Variants in AGRN observed in about 807,000 individuals in gnomAD.
AGRN encodes agrin proteoglycan.
AGRN carries 106 observed loss-of-function variants against 211.0 expected under a neutral mutation model. That is an observed-to-expected ratio of 0.50 (90% CI 0.43 to 0.59). The LOEUF is 0.59. Among genes scored for constraint, AGRN ranks in the 20% least tolerant of loss-of-function variants. The probability of loss-of-function intolerance (pLI) is 0.00; values close to 1 mark genes in which losing one functional copy is unlikely to be tolerated. For synonymous variants in AGRN, 1,525 were observed against 1,332.5 expected, an observed-to-expected ratio of 1.14 and a Z score of -3.15; for missense variants, 3,040 against 2,982.6, an observed-to-expected ratio of 1.02 and a Z score of -0.45.
rs753234493 is a variant in AGRN, at chr1:1,042,078, C to T, written c.1300C>T (p.Arg434Cys). The change falls in exon 7 of 36, where the codon CGC (arginine) becomes TGC (cysteine). Residue 434 changes from arginine (R) to cysteine (C), a missense_variant. Coordinates refer to ENST00000379370, the MANE Select transcript of AGRN (RefSeq NM_198576.4). ...AYRPVCAQDG[R>C]TYDSDCWRQQ... is the part of the protein sequence containing the mutation. ...CAGGCCCGTGTGTGCCCAGGACGGGCGCACGTATGACAGTGATTGCTGGCG... is the reference window on the plus strand; with the variant it reads ...CAGGCCCGTGTGTGCCCAGGACGGGTGCACGTATGACAGTGATTGCTGGCG... 5.6e-6 allele frequency: 9 copies of T among 1,606,088 alleles called. No homozygotes were observed. Among genetic ancestry groups the T allele is most frequent in the South Asian group, 3.3e-5 (3 of 91,038 alleles).
In AGRN at chr1:1,049,435, G is replaced by A. The variant is rs200870228; in HGVS notation, c.4498G>A (p.Glu1500Lys). Residue 1500 changes from glutamate to lysine, a missense_variant, in exon 25 of 36, where the codon GAG becomes AAG. Glu to Lys is a moderately conservative substitution (Grantham distance 56). Around this residue, in one of 3 missense-constraint regions of AGRN, gnomAD observed 1,537 missense variants for 1,505.0 expected, o/e 1.02. Transcript: ENST00000379370. ...DTDLFVGGVP[E>K]DQAAVALERT... ...AGACCTCTTTGTGGGCGGCGTACCC[G>A]AGGACCAGGCTGCCGTGTGAGTCCC... The A allele has an allele frequency of 3.3e-5, 53 of 1,599,384 alleles. No individual in the cohort carries two copies. The highest frequency in any genetic ancestry group is 1.1e-4 in the South Asian group (10 of 91,060).
In AGRN at chr1:1,047,831, G is replaced by A; in HGVS notation, c.3687G>A (p.Val1229=). Residue 1229 remains valine, a synonymous_variant, in exon 22 of 36, where the codon GTG becomes GTA. Transcript: ENST00000379370. The part of the protein sequence containing the change: ...VARALLRQIQ[V]SRRRSLGVRR... ...GGGCCCTGCTCCGGCAGATCCAGGT[G>A]TCCAGGCGCCGGTCCTTGGGGGTGA... 6.2e-7 allele frequency: 1 copy of A among 1,604,534 alleles called. No homozygotes were observed. The highest frequency in any genetic ancestry group is 8.5e-7 in the Non-Finnish European group (1 of 1,176,234).
In AGRN at chr1:1,051,664, A is replaced by G. The variant is rs777445181; in HGVS notation, c.5563+19A>G. The G allele has an allele frequency of 6.2e-7, 1 of 1,612,746 alleles. No individual in the cohort carries two copies. Among genetic ancestry groups the G allele is most frequent in the Non-Finnish European group, 8.5e-7 (1 of 1,179,844 alleles). On this transcript the variant is annotated intron_variant, in intron 32 of 35. Transcript: ENST00000379370. ...GAGAAGGGTGAGCCTGGCACAGGGC[A>G]GGGGGCGGAGGCCGGATGGGCCCGG...
intron 1 of AGRN, among the ~76,000 whole-genome samples, chr1:1,021,480 C>A (rs140810554): frequency 6.6e-6 from 1 of 152,258 alleles, no homozygotes; most frequent in African/African-American, 2.4e-5. Flanking sequence ...GTCTCTCCCC[C>A]CATCCGGCAG....
chr1:1,039,509 T>C (rs1354540214), intron 3 of AGRN, among the ~76,000 whole-genome samples: 1 of 151,640 alleles, frequency 6.6e-6, no homozygotes, highest in Non-Finnish European at 1.5e-5. Flanking sequence ...TTGGACCCAA[T>C]TAAACATTTA....
rs1282216927 is a variant in AGRN, at chr1:1,045,799, G to A, written c.2603G>A (p.Cys868Tyr). The A allele has an allele frequency of 4.3e-6, 7 of 1,613,170 alleles. No homozygotes were observed. The South Asian group carries it at 4.4e-5, about 10-fold the overall frequency. Residue 868 changes from cysteine to tyrosine, a missense_variant, in exon 15 of 36, where the codon TGT (cysteine) becomes TAT (tyrosine). By Grantham distance (194) the Cys-to-Tyr change is radical (BLOSUM62 -2). Around this residue, in one of 3 missense-constraint regions of AGRN, gnomAD observed 1,498 missense variants for 1,457.8 expected, o/e 1.03. Coordinates refer to ENST00000379370, the MANE Select transcript of AGRN (RefSeq NM_198576.4). ...GAGCAGATGACGGGGCTGTGCTCGT[G>A]TAAGCCCGGGGTGGCTGGACCCAAG... ...DCEQMTGLCS[C>Y]KPGVAGPKCG...
At chr1:1,030,986 G>T (rs1243199127) in intron 2 of AGRN, among the ~76,000 whole-genome samples, 1 of 133,318 alleles carries the variant, frequency 7.5e-6, no homozygotes, top group Non-Finnish European at 1.6e-5. Flanking sequence ...TGTGTGCAGT[G>T]CATGGTGCTG....
intron 35 of AGRN, 74 bp from the exon 36 acceptor site, chr1:1,054,750 G>T: frequency 1.3e-6 from 2 of 1,528,510 alleles, no homozygotes; most frequent in South Asian, 2.4e-5. Context: ...GCCCCCTGCT[G>T]GTCACCTGCT....
chr1:1,022,515 A>G, intron 2 of AGRN, 53 bp downstream of exon 2: 4 of 1,533,330 alleles, frequency 2.6e-6, no homozygotes, highest in Non-Finnish European at 2.7e-6. Flanking sequence ...GCAGTGGCCA[A>G]GGGGGACAGG....
Position 1,050,536 on chromosome 1 carries a change from C to G in AGRN, c.5086C>G (p.Arg1696Gly), listed in dbSNP as rs201286940. ...GKGDFVSLAL[R>G]DRRLEFRYDL... ...GGGGGACTTCGTGTCGCTGGCACTG[C>G]GGGACCGCCGCCTGGAGTTCCGCTA... is the stretch of plus-strand genomic sequence containing the variant. Residue 1696 changes from arginine (R) to glycine (G), a missense_variant, in exon 29 of 36, where the codon CGG becomes GGG. Transcript: ENST00000379370. The G allele has an allele frequency of 1.9e-6, 3 of 1,612,536 alleles. No individual in the cohort carries two copies. The African/African-American group carries it at 4.0e-5, about 22-fold the overall frequency.
chr1:1,029,896 A>AGC (rs199710812), intron 2 of AGRN, among the ~76,000 whole-genome samples: 2 of 45,210 alleles, frequency 4.4e-5, no homozygotes, highest in South Asian at 1.2e-3. Flanking sequence ...CTGTGAGATC[A>AGC]GTGTGTGTGT....
Position 1,049,866 on chromosome 1 carries a change from TGGGACCTCGGTCCCGGTCCC to T in AGRN, c.4745-35_4745-16del. On this transcript the variant is annotated splice_polypyrimidine_tract_variant and intron_variant, in intron 26 of 35. Transcript: ENST00000379370. Reference sequence around the variant, plus strand: ...TGGGCGGTACCCAACCGACGCCTCCTGGGACCTCGGTCCCGGTCCCGTCTTCCTCCATCCAGGACCAACCT... The same window carrying T: ...TGGGCGGTACCCAACCGACGCCTCCTGTCTTCCTCCATCCAGGACCAACCT... The T allele has an allele frequency of 1.1e-5, 17 of 1,611,190 alleles. No individual in the cohort carries two copies. The highest frequency in any genetic ancestry group is 1.4e-5 in the Non-Finnish European group (17 of 1,179,434).
intron 2 of AGRN, among the ~76,000 whole-genome samples, chr1:1,033,569 C>T (rs986349710): frequency 2.4e-4 from 37 of 151,122 alleles, no homozygotes; most frequent in South Asian, 4.2e-4. Context: ...TCCCCCGGCC[C>T]AGCCCCACCG....
At chr1:1,052,199 C>T (rs1040390157) in intron 33 of AGRN, 3 of 685,742 alleles carry the variant, frequency 4.4e-6, no homozygotes, top group Non-Finnish European at 4.4e-6. Context: ...CCTCCCAGGG[C>T]ACAGGCCGAG....
At position 1,041,562 on chromosome 1, in the gene AGRN, C is replaced by T; in HGVS notation, c.1037C>T (p.Pro346Leu). 3.7e-6 allele frequency: 6 copies of T among 1,609,472 alleles called. No individual in the cohort carries two copies. The highest frequency in any genetic ancestry group is 4.2e-6 in the Non-Finnish European group (5 of 1,179,356). The change falls in exon 6 of 36, where the codon CCC (proline) becomes CTC (leucine). Residue 346 changes from proline (P) to leucine (L), a missense_variant. This residue lies in a region of AGRN where 1,498 missense variants were observed against 1,457.8 expected (regional missense o/e 1.03). Transcript: ENST00000379370. ...CGGCGCCCTGAGATGCTCCTACGGC[C>T]CGAGAGCTGCCCTGCCCGGCAGGCG... The part of the protein sequence containing the change: ...RTRRPEMLLR[P>L]ESCPARQAPV...
In AGRN at chr1:1,055,556, G is replaced by C. The variant is rs754693526; in HGVS notation, c.*575G>C. 1.6e-5 allele frequency: 3 copies of C among 189,576 alleles called. No homozygotes were observed. 11.7% of individuals were successfully genotyped at this position (189,576 alleles called of 1,614,324 possible). A position where few individuals can be genotyped will look rare whatever the true frequency, so the allele number is the denominator to read the frequency against. On this transcript the variant is annotated 3_prime_UTR_variant, in exon 36 of 36. Transcript: ENST00000379370. Reference sequence around the variant, plus strand: ...GAGGAGCAGAGGCCAGACCAGGGCCGATCTGGGTGTCCTGACCCTCAGCTG... The same window carrying C: ...GAGGAGCAGAGGCCAGACCAGGGCCCATCTGGGTGTCCTGACCCTCAGCTG...
intron 19 of AGRN, 74 bp from the exon 20 acceptor site, chr1:1,047,253 G>C: frequency 6.5e-7 from 1 of 1,534,478 alleles, no homozygotes. Context: ...GTGGCTTGCT[G>C]CTGGGGCCTG....
Position 1,046,960 on chromosome 1 carries a change from G to A in AGRN, c.3388+3G>A, listed in dbSNP as rs549905022. The stretch of plus-strand genomic sequence containing the variant: ...CGCAGAGGGCTCCAACTGCCCCGGT[G>A]AGTGGACGGCTGGGCGAGGGGAGTG... On this transcript the variant is annotated splice_donor_region_variant and intron_variant, in intron 19 of 35. Transcript: ENST00000379370. 3 of 1,576,394 alleles carry A rather than the reference G, an allele frequency of 1.9e-6. No individual in the cohort carries two copies. The highest frequency in any genetic ancestry group is 2.6e-6 in the Non-Finnish European group (3 of 1,162,022).
intron 2 of AGRN, among the ~76,000 whole-genome samples, chr1:1,025,408 G>A (rs1385602573): frequency 6.6e-6 from 1 of 152,182 alleles, no homozygotes; most frequent in African/African-American, 2.4e-5. Context: ...TCGGTGCTGG[G>A]GTTGAGGGGC....
Sources: gnomAD v4.1 joint callset for allele counts (sites outside exome capture counted in the v4.1 genomes callset) on GRCh38, gnomAD v4.1.1 for gene constraint, gnomAD v4.1.1 regional missense constraint, MANE v1.5 for transcripts, NCBI Gene and HGNC (gene_info 2026-07-23, HGNC 2026-07-21) for gene names.